The following CMSS1 variants were observed in gnomAD, a reference collection of about 807,000 sequenced individuals.
The protein encoded by CMSS1 is protein CMSS1.
In CMSS1, 33 loss-of-function variants were observed where a neutral mutation model predicts 43.5. The observed-to-expected ratio is 0.76, with a 90% confidence interval of 0.57 to 1.01. The LOEUF (loss-of-function observed/expected upper bound fraction) is 1.01. CMSS1 is among the 50% of genes least tolerant of loss of function. The probability of loss-of-function intolerance (pLI) is 0.00; values close to 1 mark genes in which losing one functional copy is unlikely to be tolerated. For missense variants in CMSS1, 313 were observed against 326.4 expected (o/e 0.96, Z 0.32); for synonymous variants, 115 against 117.2 (o/e 0.98, Z 0.12).
chr3:100,054,128 A>G (rs2065420941), intron 1 of CMSS1, among the ~76,000 whole-genome samples: 1 of 152,198 alleles, frequency 6.6e-6, no homozygotes, highest in South Asian at 2.1e-4. Context: ...GTGTGCTTTC[A>G]AGATAGCATG....
At chr3:100,099,670 A>T (rs978319523) in intron 1 of CMSS1, among the ~76,000 whole-genome samples, 1 of 152,184 alleles carries the variant, frequency 6.6e-6, no homozygotes, top group Non-Finnish European at 1.5e-5. Flanking sequence ...TAAATATACC[A>T]TGTTATTCAT....
chr3:100,027,876 A>G (rs1329327589), intron 1 of CMSS1, among the ~76,000 whole-genome samples: 2 of 152,186 alleles, frequency 1.3e-5, no homozygotes, highest in Non-Finnish European at 2.9e-5. Flanking sequence ...AAGTGAAACT[A>G]GAGTTGGGAG....
At chr3:100,051,354 A>G (rs2065368882) in intron 1 of CMSS1, 1 of 151,866 alleles carries the variant, frequency 6.6e-6, no homozygotes, top group East Asian at 1.9e-4. Flanking sequence ...AATGGCTTAT[A>G]TTTCTTTTTA....
chr3:100,104,665 CAGG>C (rs2066365077), intron 1 of CMSS1, among the ~76,000 whole-genome samples: 1 of 152,100 alleles, frequency 6.6e-6, no homozygotes, highest in African/African-American at 2.4e-5. Flanking sequence ...TCCTGTTTTG[CAGG>C]AGTAGTAGCA....
At chr3:99,822,180 ATG>A (rs1942451890) in intron 1 of CMSS1, among the ~76,000 whole-genome samples, 2 of 152,232 alleles carry the variant, frequency 1.3e-5, no homozygotes, top group Non-Finnish European at 2.9e-5. Context: ...GCAGCTAAGT[ATG>A]TGAGTCTGGA....
intron 1 of CMSS1, among the ~76,000 whole-genome samples, chr3:100,131,089 G>T (rs569654116): frequency 6.6e-6 from 1 of 152,178 alleles, no homozygotes; most frequent in Admixed American, 6.5e-5. Flanking sequence ...GCCAGACTGT[G>T]TGTTAAGTAA....
intron 1 of CMSS1, among the ~76,000 whole-genome samples, chr3:100,118,828 C>G (rs2066597121): frequency 6.6e-6 from 1 of 152,142 alleles, no homozygotes; most frequent in African/African-American, 2.4e-5. Flanking sequence ...TAGATATCAT[C>G]CTACAGATAA....
At chr3:100,085,882 A>G (rs1186696815) in intron 1 of CMSS1, among the ~76,000 whole-genome samples, 2 of 152,088 alleles carry the variant, frequency 1.3e-5, no homozygotes, top group African/African-American at 4.8e-5. Context: ...AGAGTAATAT[A>G]CTCCCAAGTT....
chr3:100,123,102 A>T (rs968789414), intron 1 of CMSS1, among the ~76,000 whole-genome samples: 6 of 152,236 alleles, frequency 3.9e-5, no homozygotes, highest in Admixed American at 3.9e-4. Flanking sequence ...AACAAATCAG[A>T]TGATAAGTAC....
chr3:100,169,454 A>G (rs1213043760), intron 6 of CMSS1, among the ~76,000 whole-genome samples: 1 of 152,240 alleles, frequency 6.6e-6, no homozygotes. Context: ...AAGAAAGAGG[A>G]ACTTGGTCAA....
intron 1 of CMSS1, among the ~76,000 whole-genome samples, chr3:100,048,190 A>G (rs1463838632): frequency 6.6e-6 from 1 of 152,216 alleles, no homozygotes; most frequent in Non-Finnish European, 1.5e-5. Flanking sequence ...CCCTCAGGGA[A>G]GGGGACAGAT....
intron 5 of CMSS1, among the ~76,000 whole-genome samples, chr3:100,167,530 T>C (rs958121977): frequency 1.3e-5 from 2 of 152,230 alleles, no homozygotes; most frequent in Non-Finnish European, 1.5e-5. Context: ...GGACTTGGTA[T>C]GTTTGTTTTG....
chr3:99,918,289 A>G (rs940127090), intron 1 of CMSS1, among the ~76,000 whole-genome samples: 3 of 152,042 alleles, frequency 2.0e-5, no homozygotes, highest in Non-Finnish European at 4.4e-5. Context: ...TGTTTTATAT[A>G]CCAGAAAACT....
intron 1 of CMSS1, among the ~76,000 whole-genome samples, chr3:99,980,345 T>C (rs187573513): frequency 6.6e-6 from 1 of 152,140 alleles, no homozygotes; most frequent in Non-Finnish European, 1.5e-5. Context: ...AAGTCTTGCA[T>C]TGGATGTTTT....
At chr3:99,986,111 T>C (rs1249046180) in intron 1 of CMSS1, among the ~76,000 whole-genome samples, 1 of 152,216 alleles carries the variant, frequency 6.6e-6, no homozygotes, top group Non-Finnish European at 1.5e-5. Flanking sequence ...TTTTCATTGT[T>C]ATAAGAGGAA....
intron 1 of CMSS1, among the ~76,000 whole-genome samples, chr3:100,038,840 A>G (rs1323520698): frequency 3.3e-5 from 5 of 152,178 alleles, no homozygotes; most frequent in Non-Finnish European, 7.4e-5. Flanking sequence ...TCCCAGATGT[A>G]TTGTTAAGTC....
chr3:99,878,727 C>T, intron 1 of CMSS1, among the ~76,000 whole-genome samples: 1 of 152,196 alleles, frequency 6.6e-6, no homozygotes. Context: ...CACCATTTCA[C>T]TTCAAACGAA....
intron 1 of CMSS1, among the ~76,000 whole-genome samples, chr3:99,830,962 A>C (rs1942651562): frequency 6.6e-6 from 1 of 152,226 alleles, no homozygotes; most frequent in African/African-American, 2.4e-5. Flanking sequence ...TGTCTTTAAG[A>C]GTGCTTCATG....
At chr3:99,863,510 AT>A (rs1277838507) in intron 1 of CMSS1, among the ~76,000 whole-genome samples, 2 of 152,138 alleles carry the variant, frequency 1.3e-5, no homozygotes. Context: ...ATATTTTATA[AT>A]TTTTTTGACT....
Sources: gnomAD v4.1 joint callset for allele counts (sites outside exome capture counted in the v4.1 genomes callset) on GRCh38, gnomAD v4.1.1 for gene constraint, MANE v1.5 for transcripts, NCBI Gene and HGNC (gene_info 2026-07-23, HGNC 2026-07-21) for gene names.